Variants in NPC1 observed in about 807,000 individuals in gnomAD.
The protein encoded by NPC1 is NPC intracellular cholesterol transporter 1.
NPC1 carries 85 observed loss-of-function variants against 140.4 expected under a neutral mutation model. That is an observed-to-expected ratio of 0.61 (90% CI 0.51 to 0.72). The LOEUF (loss-of-function observed/expected upper bound fraction) is 0.72, where lower values mean the gene tolerates loss of function less well. Among genes scored for constraint, NPC1 ranks in the 30% least tolerant of loss-of-function variants. The probability of loss-of-function intolerance (pLI) is 0.00; values close to 1 mark genes in which losing one functional copy is unlikely to be tolerated. For synonymous variants in NPC1, 656 were observed against 624.8 expected (o/e 1.05, Z -0.74); for missense variants, 1,504 against 1,623.8 (o/e 0.93, Z 1.27).
chr18:23,526,848 T>A, downstream of NPC1: 2 of 1,523,462 alleles, frequency 1.3e-6, no homozygotes, highest in Non-Finnish European at 1.8e-6. Context: ...GTGGGCTACA[T>A]TGTTGTGTCT....
At chr18:23,507,155 T>C in intron 3 of NPC1, 1 of 797,934 alleles carries the variant, frequency 1.3e-6, no homozygotes, top group Non-Finnish European at 2.0e-6. Flanking sequence ...TTTTATTATC[T>C]TACTGTTGTG....
chr18:23,572,054 G>A lies in NPC1; in HGVS notation c.287+20C>T, dbSNP rs747131073. 6.4e-7 allele frequency: 1 copy of A among 1,559,486 alleles called. No homozygotes were observed. The highest frequency in any genetic ancestry group is 1.7e-5 in the Admixed American group (1 of 59,880). On this transcript the variant is annotated intron_variant, in intron 3 of 24. Coordinates refer to ENST00000269228, the MANE Select transcript of NPC1 (RefSeq NM_000271.5). The stretch of plus-strand genomic sequence containing the variant: ...CAAGTATCTACAGCCCAGTTGTTCT[G>A]TTTCCCCAGCAGAACCTACCTGGAC...
At chr18:23,543,431 T>G in intron 14 of NPC1, 24 bp downstream of exon 14, 1 of 1,324,664 alleles carries the variant, frequency 7.5e-7, no homozygotes, top group Non-Finnish European at 1.1e-6. Flanking sequence ...ACTACAGGAC[T>G]GGTAGGATTG....
Position 23,560,574 on chromosome 18 carries a change from C to A in NPC1, c.632-94G>T, listed in dbSNP as rs2059023980. On this transcript the variant is annotated intron_variant, in intron 5 of 24. Coordinates refer to ENST00000269228, the MANE Select transcript of NPC1 (RefSeq NM_000271.5). ...ACTCAAAGAAAAGCCCACTGAAATA[C>A]ATAAAACAACTGAAAGAAGAAAAAG... is the stretch of plus-strand genomic sequence containing the variant. 7.2e-6 allele frequency: 9 copies of A among 1,246,002 alleles called. No homozygotes were observed. The South Asian group carries it at 1.2e-4, about 17-fold the overall frequency. 77.2% of individuals were successfully genotyped at this position (1,246,002 alleles called of 1,614,324 possible).
At chr18:23,567,746 G>A (rs1047343826) in intron 4 of NPC1, among the ~76,000 whole-genome samples, 2 of 152,150 alleles carry the variant, frequency 1.3e-5, no homozygotes, top group Admixed American at 6.5e-5. Context: ...ACTACGTACT[G>A]CAAAGTTGTT....
chr18:23,573,644 C>A, intron 1 of NPC1, 70 bp from the exon 2 acceptor site: 12 of 1,588,508 alleles, frequency 7.6e-6, no homozygotes, highest in Non-Finnish European at 1.0e-5. Flanking sequence ...GAAGTGCCCA[C>A]TCAAGTACAA....
At chr18:23,564,509 CACAGG>C in intron 4 of NPC1, among the ~76,000 whole-genome samples, 1 of 151,180 alleles carries the variant, frequency 6.6e-6, no homozygotes, top group Non-Finnish European at 1.5e-5. Flanking sequence ...TTTTTGTAGA[CACAGG>C]GTCTCACTTT....
chr18:23,559,491 A>AC (rs2059005091), intron 6 of NPC1, among the ~76,000 whole-genome samples: 2 of 127,842 alleles, frequency 1.6e-5, no homozygotes, highest in African/African-American at 3.3e-5. Flanking sequence ...TTTGACTCTG[A>AC]CTTTTTTTTT....
intron 3 of NPC1, among the ~76,000 whole-genome samples, chr18:23,508,457 T>G (rs185035115): frequency 3.3e-5 from 5 of 152,326 alleles, no homozygotes; most frequent in Admixed American, 1.3e-4. Context: ...GTTGTCTTTG[T>G]CTTGTCCTTA....
In NPC1 at chr18:23,586,382, G is replaced by A; in HGVS notation, c.-39C>T. On this transcript the variant is annotated 5_prime_UTR_variant, in exon 1 of 25. Transcript: ENST00000269228. ...AAGGCTGCTGACGCCGGCGGCGTTC[G>A]GCTGGTTGGGCTCCCCGGAGGCGGC... 2 of 1,530,642 alleles carry A rather than the reference G, an allele frequency of 1.3e-6. No individual in the cohort carries two copies. The highest frequency in any genetic ancestry group is 1.7e-6 in the Non-Finnish European group (2 of 1,144,992). The allele number at this position is 1,530,642 out of a possible 1,614,324, so 94.8% of individuals were successfully genotyped here. A position where few individuals can be genotyped will look rare whatever the true frequency, so the allele number is the denominator to read the frequency against.
At chr18:23,510,682 A>G (rs1416009003) in intron 3 of NPC1, among the ~76,000 whole-genome samples, 1 of 152,228 alleles carries the variant, frequency 6.6e-6, no homozygotes, top group African/African-American at 2.4e-5. Flanking sequence ...ATGAGCAGAC[A>G]CTTTTTAAAA....
rs756180012 is a variant in NPC1, at chr18:23,573,580, G to C, written c.58-6C>G. On this transcript the variant is annotated splice_region_variant and splice_polypyrimidine_tract_variant and intron_variant, in intron 1 of 24. Coordinates refer to ENST00000269228, the MANE Select transcript of NPC1 (RefSeq NM_000271.5). ...ACACAGGACTGTGAAAACACCTACAGAAAGTCAACACAAACTTCAGTGTTA... is the reference window on the plus strand; with the variant it reads ...ACACAGGACTGTGAAAACACCTACACAAAGTCAACACAAACTTCAGTGTTA... 6.2e-7 allele frequency: 1 copy of C among 1,614,078 alleles called. No homozygotes were observed.
At chr18:23,506,954 A>C (rs763588108) in intron 3 of NPC1, 3 of 1,556,198 alleles carry the variant, frequency 1.9e-6, no homozygotes, top group African/African-American at 2.7e-5. Context: ...TACTAACACA[A>C]TCTTTCTTCT....
chr18:23,577,321 A>G, intron 1 of NPC1, among the ~76,000 whole-genome samples: 1 of 148,426 alleles, frequency 6.7e-6, no homozygotes, highest in Non-Finnish European at 1.5e-5. Context: ...GAGCAGCTAG[A>G]GTGTCGATTG....
In NPC1 at chr18:23,544,512, G is replaced by A. The variant is rs1374257305; in HGVS notation, c.1962C>T (p.Val654=). 2 of 1,614,074 alleles carry A rather than the reference G, an allele frequency of 1.2e-6. No homozygotes were observed. The highest frequency in any genetic ancestry group is 4.5e-5 in the East Asian group (2 of 44,906). The part of the protein sequence containing the change: ...SCRRLLVDSK[V]SLGIAGILIV... ...TCAAGATGCCCGCGATGCCTAGTGAGACCTTCGAATCCACCTGAGAGAGGC... is the reference window on the plus strand; with the variant it reads ...TCAAGATGCCCGCGATGCCTAGTGAAACCTTCGAATCCACCTGAGAGAGGC... The change falls in exon 13 of 25, where the codon GTC becomes GTT. Residue 654 remains valine, a synonymous_variant. Coordinates refer to ENST00000269228, the MANE Select transcript of NPC1 (RefSeq NM_000271.5).
At chr18:23,530,144 C>T (rs200634097), downstream of NPC1, 8,590 of 1,613,782 alleles carry the variant, frequency 5.3e-3, 37 homozygotes, top group Non-Finnish European at 6.5e-3. Flanking sequence ...TATGCATTGC[C>T]AGATTTTTAC....
At chr18:23,521,894 C>G (rs1416876678), downstream of NPC1, among the ~76,000 whole-genome samples, 8 of 152,182 alleles carry the variant, frequency 5.3e-5, no homozygotes, top group Admixed American at 5.2e-4. Flanking sequence ...TCCCGGCTCT[C>G]TTTTGAAGGA....
downstream of NPC1, chr18:23,529,402 G>T: frequency 6.8e-7 from 1 of 1,465,482 alleles, no homozygotes; most frequent in Non-Finnish European, 9.0e-7. Context: ...GAAGTGATTA[G>T]AATCACTGGA....
intron 14 of NPC1, 91 bp downstream of exon 14, chr18:23,543,364 A>G: frequency 1.3e-6 from 1 of 743,422 alleles, no homozygotes; most frequent in Non-Finnish European, 2.3e-6. Flanking sequence ...AAAAAAAGGA[A>G]GCAACACAAA....
Sources: allele counts gnomAD v4.1 joint callset (sites outside exome capture counted in the v4.1 genomes callset), GRCh38; gene constraint gnomAD v4.1.1; transcripts MANE v1.5; gene names NCBI Gene and HGNC (gene_info 2026-07-23, HGNC 2026-07-21).